The following ZDHHC13 variants were observed in gnomAD, a reference collection of about 807,000 sequenced individuals.
ZDHHC13 encodes the protein zDHHC palmitoyltransferase 13, also known as palmitoyltransferase ZDHHC13.
ZDHHC13 carries 85 observed loss-of-function variants against 86.0 expected under a neutral mutation model. The observed-to-expected ratio is 0.99, with a 90% CI of 0.83 to 1.18. The LOEUF (loss-of-function observed/expected upper bound fraction) is 1.18. Ranked by LOEUF, ZDHHC13 falls within the 50% of genes most tolerant of loss-of-function variation. The probability of loss-of-function intolerance (pLI) is 0.00; values close to 1 mark genes in which losing one functional copy is unlikely to be tolerated. For missense variants in ZDHHC13, 711 were observed against 730.2 expected, an observed-to-expected ratio of 0.97 and a Z score of 0.30; for synonymous variants, 263 against 246.4, an observed-to-expected ratio of 1.07 and a Z score of -0.63.
chr11:19,123,896 ATAT>A (rs998883391), intron 1 of ZDHHC13, among the ~76,000 whole-genome samples: 8 of 152,180 alleles, frequency 5.3e-5, no homozygotes, highest in African/African-American at 1.9e-4. Context: ...AAGATTGATA[ATAT>A]TCAGTTCTGG....
chr11:19,170,415 G>C lies in ZDHHC13; in HGVS notation c.1479G>C (p.Leu493Phe). ...GWIIYGSFIYLSSHCATTFKE... is the reference protein window; with the variant it reads ...GWIIYGSFIYFSSHCATTFKE... Reference sequence around the variant, plus strand: ...TTTTTTTTGGTGAATTCACAGATTTGTCCAGTCATTGTGCCACAACATTCA... The same window carrying C: ...TTTTTTTTGGTGAATTCACAGATTTCTCCAGTCATTGTGCCACAACATTCA... The change falls in exon 15 of 17, where the codon TTG becomes TTC. Residue 493 changes from leucine (L) to phenylalanine (F), a missense_variant. Leu to Phe is a conservative substitution (Grantham distance 22). Transcript: ENST00000446113. 1 of 547,004 alleles carries C rather than the reference G, an allele frequency of 1.8e-6. No individual in the cohort carries two copies. The highest frequency in any genetic ancestry group is 2.9e-5 in the South Asian group (1 of 34,604). The allele number at this position is 547,004 out of a possible 1,614,324, so 33.9% of individuals were successfully genotyped here.
At chr11:19,169,712 C>G in intron 14 of ZDHHC13, 2 of 985,484 alleles carry the variant, frequency 2.0e-6, no homozygotes, top group Non-Finnish European at 2.4e-6. Context: ...TTTCTCCTTA[C>G]TGCTGCTCCT....
At position 19,176,151 on chromosome 11, in the gene ZDHHC13, T is replaced by C. The variant is rs1850358841; in HGVS notation, c.*191T>C. On this transcript the variant is annotated 3_prime_UTR_variant, in exon 17 of 17. Coordinates refer to ENST00000446113, the MANE Select transcript of ZDHHC13 (RefSeq NM_019028.3). ...TTAGGTTTAGAAAGATGGACTTTTC[T>C]GATAAATCTTGGCAGACATCTAAAA... 2.2e-6 allele frequency: 1 copy of C among 452,228 alleles called. No individual in the cohort carries two copies. The highest frequency in any genetic ancestry group is 3.7e-6 in the Non-Finnish European group (1 of 273,516). 28.0% of individuals were successfully genotyped at this position (452,228 alleles called of 1,614,324 possible).
intron 1 of ZDHHC13, among the ~76,000 whole-genome samples, chr11:19,123,577 G>A (rs1008864939): frequency 2.0e-5 from 3 of 152,186 alleles, no homozygotes; most frequent in Admixed American, 2.0e-4. Context: ...GAGCCCAGCA[G>A]ATAGGGCTGT....
chr11:19,136,388 A>T (rs1374474137), intron 1 of ZDHHC13, among the ~76,000 whole-genome samples: 1 of 152,176 alleles, frequency 6.6e-6, no homozygotes, highest in East Asian at 1.9e-4. Context: ...GAATAAAAAG[A>T]AACGAGCAAA....
At chr11:19,149,589 C>T (rs1287290055) in intron 5 of ZDHHC13, among the ~76,000 whole-genome samples, 1 of 152,108 alleles carries the variant, frequency 6.6e-6, no homozygotes, top group Non-Finnish European at 1.5e-5. Flanking sequence ...CTTATGAACC[C>T]AGTAATTTGC....
chr11:19,175,385 G>GTA, intron 16 of ZDHHC13, among the ~76,000 whole-genome samples: 1 of 6,100 alleles, frequency 1.6e-4, no homozygotes, highest in Non-Finnish European at 3.9e-4. Context: ...GCGAGACTCC[G>GTA]TCTCAAAAAA....
intron 1 of ZDHHC13, among the ~76,000 whole-genome samples, chr11:19,123,895 A>G (rs977080216): frequency 1.6e-4 from 24 of 152,306 alleles, no homozygotes; most frequent in Middle Eastern, 3.4e-3. Context: ...AAAGATTGAT[A>G]ATATTCAGTT....
At chr11:19,149,396 G>A (rs541074794) in intron 5 of ZDHHC13, 65 bp downstream of exon 5, 8 of 1,376,504 alleles carry the variant, frequency 5.8e-6, no homozygotes, top group Admixed American at 2.8e-5. Flanking sequence ...GAAATTATTA[G>A]TAGTAGTCTC....
chr11:19,143,879 A>G (rs183407637), intron 2 of ZDHHC13, among the ~76,000 whole-genome samples: 3 of 152,312 alleles, frequency 2.0e-5, no homozygotes, highest in African/African-American at 7.2e-5. Flanking sequence ...GTATTAATCC[A>G]TTTTTGTAGT....
rs938237531 is a variant in ZDHHC13 at position 19,117,686 on chromosome 11, T to A, written c.27+410T>A. On this transcript the variant is annotated intron_variant, in intron 1 of 16. Transcript: ENST00000446113. The surrounding 1 kb of genome is among the most constrained non-coding windows in gnomAD (Gnocchi z 4.2). ...GTCGGAGCGGTTCTGTTGATTTCTT[T>A]TTCAGCCCTGGCGTCTTAGCACCCG... The A allele has an allele frequency of 1.6e-5, 3 of 192,008 alleles. No homozygotes were observed. The highest frequency in any genetic ancestry group is 2.0e-3 in the Middle Eastern group (1 of 508). The allele number at this position is 192,008 out of a possible 1,614,324, so 11.9% of individuals were successfully genotyped here.
At chr11:19,141,560 T>G (rs1849319757) in intron 1 of ZDHHC13, among the ~76,000 whole-genome samples, 1 of 152,072 alleles carries the variant, frequency 6.6e-6, no homozygotes, top group South Asian at 2.1e-4. Context: ...TAATTGATCA[T>G]CTACCCATCT....
At chr11:19,118,558 G>T (rs57689545) in intron 1 of ZDHHC13, among the ~76,000 whole-genome samples, 2 of 152,226 alleles carry the variant, frequency 1.3e-5, no homozygotes, top group African/African-American at 4.8e-5. Context: ...TTTACAGAAG[G>T]CTTCAAGTGC....
chr11:19,162,212 A>G (rs1470822550), intron 10 of ZDHHC13, among the ~76,000 whole-genome samples: 2 of 152,296 alleles, frequency 1.3e-5, no homozygotes, highest in African/African-American at 4.8e-5. Context: ...TAGATCTAAA[A>G]GACAGCTACT....
chr11:19,145,996 C>A lies in ZDHHC13; in HGVS notation c.174-185C>A, dbSNP rs185808764. ...GAGATTAATCTGATCAGTACATAAACCAGGTTTCCTTTTGCTGTTTGGCTT... is the reference window on the plus strand; with the variant it reads ...GAGATTAATCTGATCAGTACATAAAACAGGTTTCCTTTTGCTGTTTGGCTT... On this transcript the variant is annotated intron_variant, in intron 2 of 16. Coordinates refer to ENST00000446113, the MANE Select transcript of ZDHHC13 (RefSeq NM_019028.3). Among the ~76,000 whole-genome samples the A allele has an allele frequency of 6.9e-4, 105 of 152,260 alleles. 1 individual carries two copies. The highest frequency in any genetic ancestry group is 8.4e-4 in the Non-Finnish European group (57 of 68,008).
rs117286768 is a variant in ZDHHC13 at position 19,134,275 on chromosome 11, C to T, written c.28-8703C>T. 5.1e-4 allele frequency among the ~76,000 whole-genome samples: 78 copies of T among 152,176 alleles called. 2 individuals are homozygous for T. The East Asian group carries it at 0.012, about 24-fold the overall frequency. ...CTTTGGGAAACAGAGGCAAGAGGAT[C>T]GCTTGAGGCCAGGAGTTCAAGACCA... is the stretch of plus-strand genomic sequence containing the variant. On this transcript the variant is annotated intron_variant, in intron 1 of 16. Transcript: ENST00000446113.
Position 19,143,098 on chromosome 11 carries a change from A to G in ZDHHC13, c.148A>G (p.Asn50Asp). ...TCTTCCTCTTATAGAGGACTCTAGTAACTGTGACATTGTCAAAGCTACTCA... is the reference window on the plus strand; with the variant it reads ...TCTTCCTCTTATAGAGGACTCTAGTGACTGTGACATTGTCAAAGCTACTCA... ...EALPLIEDSS[N>D]CDIVKATQYG... The change falls in exon 2 of 17, where the codon AAC (asparagine) becomes GAC (aspartate). Residue 50 changes from asparagine (N) to aspartate (D), a missense_variant. Coordinates refer to ENST00000446113, the MANE Select transcript of ZDHHC13 (RefSeq NM_019028.3). 1 of 1,612,994 alleles carries G rather than the reference A, an allele frequency of 6.2e-7. No individual in the cohort carries two copies. Among genetic ancestry groups the G allele is most frequent in the Non-Finnish European group, 8.5e-7 (1 of 1,179,316 alleles).
Position 19,137,700 on chromosome 11 carries a change from T to G in ZDHHC13, c.28-5278T>G, listed in dbSNP as rs180845547. 1.8e-3 allele frequency among the ~76,000 whole-genome samples: 271 copies of G among 152,272 alleles called. 1 individual carries two copies. The highest frequency in any genetic ancestry group is 3.2e-3 in the Non-Finnish European group (216 of 68,032). ...CTCCTCAGCAAAAGAACAGAAATTATAACAAAGTATCTCTCAGACCACAGT... is the reference window on the plus strand; with the variant it reads ...CTCCTCAGCAAAAGAACAGAAATTAGAACAAAGTATCTCTCAGACCACAGT... On this transcript the variant is annotated intron_variant, in intron 1 of 16. Coordinates refer to ENST00000446113, the MANE Select transcript of ZDHHC13 (RefSeq NM_019028.3).
At chr11:19,152,456 G>T (rs1485673980) in intron 7 of ZDHHC13, 103 bp from the exon 8 acceptor site, 9 of 1,445,980 alleles carry the variant, frequency 6.2e-6, no homozygotes, top group Non-Finnish European at 2.8e-6. Context: ...GGCTATCCTT[G>T]GAATAATGTG....
Sources: allele counts gnomAD v4.1 joint callset (sites outside exome capture counted in the v4.1 genomes callset), GRCh38; gene constraint gnomAD v4.1.1; non-coding constraint Gnocchi (gnomAD v3.1); transcripts MANE v1.5; gene names NCBI Gene and HGNC (gene_info 2026-07-23, HGNC 2026-07-21).